ZBTB20: variants seen among roughly 807,000 people sequenced by gnomAD.
The protein encoded by ZBTB20 is zinc finger and BTB domain containing 20, also known as zinc finger and BTB domain-containing protein 20.
ZBTB20 carries 9 observed loss-of-function variants against 56.9 expected under a neutral mutation model. The observed-to-expected ratio is 0.16, with a 90% CI of 0.10 to 0.28. ZBTB20 has a LOEUF of 0.28. Among genes scored for constraint, ZBTB20 ranks in the 10% least tolerant of loss-of-function variants. The pLI is 1.00. For synonymous variants in ZBTB20, 417 were observed against 420.7 expected (o/e 0.99, Z 0.11); for missense variants, 655 against 1,003.0 (o/e 0.65, Z 4.69).
chr3:114,387,298 T>G (rs947488714), intron 8 of ZBTB20: 1 of 152,184 alleles, frequency 6.6e-6, no homozygotes, highest in African/African-American at 2.4e-5. Context: ...TTTATCCTCT[T>G]TATTGATTTT....
intron 2 of ZBTB20, among the ~76,000 whole-genome samples, chr3:115,068,089 C>T (rs1187499361): frequency 6.6e-6 from 1 of 152,006 alleles, no homozygotes; most frequent in Non-Finnish European, 1.5e-5. Flanking sequence ...ACAGGTATGT[C>T]ATATAAAGAA....
intron 7 of ZBTB20, among the ~76,000 whole-genome samples, chr3:114,454,131 C>CAGAGAGAGAGGA (rs1289472570): frequency 2.8e-5 from 3 of 106,552 alleles, no homozygotes; most frequent in African/African-American, 1.2e-4. Flanking sequence ...GGATGGGGGG[C>CAGAGAGAGAGGA]AGAGAGAGAG....
intron 4 of ZBTB20, among the ~76,000 whole-genome samples, chr3:114,828,150 TAG>T (rs2073644742): frequency 6.6e-6 from 1 of 151,784 alleles, no homozygotes. Context: ...ATAAGATCTG[TAG>T]AGAAAGTCTG....
At chr3:114,709,600 A>G (rs1224280045) in intron 5 of ZBTB20, among the ~76,000 whole-genome samples, 3 of 152,180 alleles carry the variant, frequency 2.0e-5, no homozygotes, top group Admixed American at 6.6e-5. Context: ...GGAGGGGCAA[A>G]TGTTCTGGAA....
intron 6 of ZBTB20, among the ~76,000 whole-genome samples, chr3:114,660,515 G>C (rs1392305374): frequency 6.6e-6 from 1 of 152,028 alleles, no homozygotes; most frequent in Non-Finnish European, 1.5e-5. Context: ...TATTTTTAGG[G>C]ATTTTTTTTC....
intron 6 of ZBTB20, among the ~76,000 whole-genome samples, chr3:114,606,387 G>A (rs1198080489): frequency 1.3e-5 from 2 of 152,192 alleles, no homozygotes; most frequent in African/African-American, 2.4e-5. Flanking sequence ...AAGGGCAGGA[G>A]GAAGCAGTTG....
chr3:115,046,764 G>A (rs781043684), intron 2 of ZBTB20, among the ~76,000 whole-genome samples: 11 of 152,030 alleles, frequency 7.2e-5, no homozygotes, highest in Non-Finnish European at 1.5e-4. Flanking sequence ...GGCAAGTCTG[G>A]TTCTCCATAC....
chr3:115,142,608 G>GC (rs2084845260), intron 1 of ZBTB20, among the ~76,000 whole-genome samples: 2 of 151,104 alleles, frequency 1.3e-5, no homozygotes, highest in Middle Eastern at 3.2e-3. Flanking sequence ...GGCTGCAGCG[G>GC]GCCAAGATTG....
chr3:114,367,855 TGAATCCAAGA>T (rs916803180), intron 10 of ZBTB20, among the ~76,000 whole-genome samples: 2 of 152,044 alleles, frequency 1.3e-5, no homozygotes, highest in African/African-American at 4.8e-5. Context: ...TATTCAGGCC[TGAATCCAAGA>T]AGGGACAAGA....
At chr3:115,039,085 A>G (rs1280823585) in intron 2 of ZBTB20, among the ~76,000 whole-genome samples, 1 of 152,062 alleles carries the variant, frequency 6.6e-6, no homozygotes, top group Non-Finnish European at 1.5e-5. Context: ...ATGGGTACTG[A>G]AAAATTCCAA....
At chr3:115,019,946 GAAC>G (rs994674165) in intron 2 of ZBTB20, among the ~76,000 whole-genome samples, 28 of 151,302 alleles carry the variant, frequency 1.9e-4, no homozygotes, top group Admixed American at 1.6e-3. Context: ...ACAAAAATAA[GAAC>G]AACAAAAATT....
intron 1 of ZBTB20, among the ~76,000 whole-genome samples, chr3:115,112,813 C>G (rs1340116142): frequency 6.6e-6 from 1 of 152,072 alleles, no homozygotes; most frequent in Non-Finnish European, 1.5e-5. Context: ...GAGGGGGATA[C>G]TCAATAGAGA....
intron 6 of ZBTB20, among the ~76,000 whole-genome samples, chr3:114,517,855 T>C (rs1185801119): frequency 6.6e-6 from 1 of 152,088 alleles, no homozygotes; most frequent in Non-Finnish European, 1.5e-5. Flanking sequence ...ATTACAGGTG[T>C]GAGCCACTGC....
At chr3:114,472,752 T>C (rs965731701) in intron 7 of ZBTB20, among the ~76,000 whole-genome samples, 2 of 151,962 alleles carry the variant, frequency 1.3e-5, no homozygotes, top group Non-Finnish European at 2.9e-5. Flanking sequence ...CCTTCCCTTC[T>C]GTGTGGCCCA....
At chr3:114,834,703 T>C (rs1336158911) in intron 4 of ZBTB20, among the ~76,000 whole-genome samples, 1 of 152,040 alleles carries the variant, frequency 6.6e-6, no homozygotes, top group Non-Finnish European at 1.5e-5. Flanking sequence ...GGCTGCAAAC[T>C]GTCTGGATGC....
At chr3:114,993,376 A>G (rs2078898573) in intron 2 of ZBTB20, among the ~76,000 whole-genome samples, 2 of 151,920 alleles carry the variant, frequency 1.3e-5, no homozygotes, top group Non-Finnish European at 2.9e-5. Context: ...CATCAACAGG[A>G]AAGAATACAA....
intron 4 of ZBTB20, among the ~76,000 whole-genome samples, chr3:114,813,850 A>G (rs948604763): frequency 3.5e-4 from 54 of 152,222 alleles, no homozygotes; most frequent in Non-Finnish European, 3.8e-4. Context: ...CTGTCATTCA[A>G]TGAATTATAT....
At chr3:114,617,976 CA>C (rs2058050023) in intron 6 of ZBTB20, among the ~76,000 whole-genome samples, 1 of 151,930 alleles carries the variant, frequency 6.6e-6, no homozygotes, top group South Asian at 2.1e-4. Context: ...AAATTTTCTC[CA>C]TAGCACTTAT....
chr3:114,598,236 A>G (rs1230297805), intron 6 of ZBTB20, among the ~76,000 whole-genome samples: 1 of 152,184 alleles, frequency 6.6e-6, no homozygotes, highest in African/African-American at 2.4e-5. Flanking sequence ...GCCTGTAACC[A>G]TATAATAAGC....
Sources: gnomAD v4.1 joint callset for allele counts (sites outside exome capture counted in the v4.1 genomes callset) on GRCh38, gnomAD v4.1.1 for gene constraint, MANE v1.5 for transcripts, NCBI Gene and HGNC (gene_info 2026-07-23, HGNC 2026-07-21) for gene names.